The following FNBP1L variants were observed in gnomAD, a reference collection of about 807,000 sequenced individuals.
FNBP1L encodes formin binding protein 1 like.
Under a neutral mutation model 91.2 loss-of-function variants are expected in FNBP1L, and 36 were observed. The ratio of observed to expected loss-of-function variants is 0.39; its 90% confidence interval spans 0.30 to 0.52. FNBP1L has a LOEUF of 0.52. Among genes scored for constraint, FNBP1L ranks in the 20% least tolerant of loss-of-function variants. FNBP1L has a pLI of 0.66. For synonymous variants in FNBP1L, 242 were observed against 237.0 expected, an observed-to-expected ratio of 1.02 and a Z score of -0.19; for missense variants, 571 against 732.1, an observed-to-expected ratio of 0.78 and a Z score of 2.54.
chr1:93,544,173 A>G lies in FNBP1L; in HGVS notation c.1231A>G (p.Ile411Val), dbSNP rs559479254. The G allele has an allele frequency of 4.7e-5, 75 of 1,612,374 alleles. 1 individual carries two copies. In the South Asian group the frequency reaches 8.0e-4, roughly 17 times the overall value. Reference sequence around the variant, plus strand: ...GAGACGTAAAAAACTACAGCAGCGCATTGATGAACTTAACAGAGAACTACA... The same window carrying G: ...GAGACGTAAAAAACTACAGCAGCGCGTTGATGAACTTAACAGAGAACTACA... Reference protein sequence around the residue: ...EQRRKKLQQRIDELNRELQKE... With the variant: ...EQRRKKLQQRVDELNRELQKE... Residue 411 changes from isoleucine to valine, a missense_variant, in exon 12 of 17, where the codon ATT becomes GTT. Ile to Val is a conservative substitution (Grantham distance 29). Around this residue, in one of 5 missense-constraint regions of FNBP1L, gnomAD observed 150 missense variants for 155.9 expected, o/e 0.96. Transcript: ENST00000271234.
chr1:93,507,192 A>G (rs1670668774), intron 2 of FNBP1L, among the ~76,000 whole-genome samples: 1 of 120,176 alleles, frequency 8.3e-6, no homozygotes, highest in South Asian at 3.0e-4. Context: ...CAAACAATGT[A>G]TCAGCATATC....
intron 1 of FNBP1L, among the ~76,000 whole-genome samples, chr1:93,463,577 A>C (rs1277527466): frequency 6.6e-6 from 1 of 152,068 alleles, no homozygotes; most frequent in African/African-American, 2.4e-5. Context: ...CTATCTTTCT[A>C]GCCTCCTTCC....
chr1:93,478,740 G>C (rs1195256630), intron 1 of FNBP1L, among the ~76,000 whole-genome samples: 2 of 152,172 alleles, frequency 1.3e-5, no homozygotes, highest in Non-Finnish European at 2.9e-5. Flanking sequence ...TTTTTTGACT[G>C]TTGGAGAAGG....
chr1:93,547,548 CT>C, intron 14 of FNBP1L, 107 bp downstream of exon 14: 1 of 871,652 alleles, frequency 1.1e-6, no homozygotes. Context: ...ACAAGTTAAG[CT>C]TTTAGTAACC....
At chr1:93,459,940 G>GGTGTGTGTGTGTGTGT (rs1557773915) in intron 1 of FNBP1L, among the ~76,000 whole-genome samples, 2 of 54,900 alleles carry the variant, frequency 3.6e-5, no homozygotes, top group South Asian at 1.7e-3. Flanking sequence ...TTGGATTTCA[G>GGTGTGTGTGTGTGTGT]ATGTGTGTGT....
intron 1 of FNBP1L, among the ~76,000 whole-genome samples, chr1:93,461,560 A>G (rs959534375): frequency 6.6e-6 from 1 of 152,024 alleles, no homozygotes. Flanking sequence ...CAAAAAAAAA[A>G]GCAGGGAACA....
intron 1 of FNBP1L, among the ~76,000 whole-genome samples, chr1:93,469,018 A>C (rs1669190112): frequency 6.6e-6 from 1 of 152,090 alleles, no homozygotes. Flanking sequence ...AATATTGAGC[A>C]TCTTTTCTTG....
chr1:93,456,154 T>A (rs908127184), intron 1 of FNBP1L, among the ~76,000 whole-genome samples: 1 of 152,120 alleles, frequency 6.6e-6, no homozygotes, highest in Non-Finnish European at 1.5e-5. Flanking sequence ...GCATTTAGAA[T>A]CTGTATGGAG....
intron 1 of FNBP1L, among the ~76,000 whole-genome samples, chr1:93,492,779 C>T (rs983792008): frequency 6.6e-6 from 1 of 151,848 alleles, no homozygotes; most frequent in African/African-American, 2.4e-5. Flanking sequence ...AGCCAGATCC[C>T]ATCTCTTAAA....
chr1:93,478,874 G>C (rs1000002822), intron 1 of FNBP1L, among the ~76,000 whole-genome samples: 2 of 152,186 alleles, frequency 1.3e-5, no homozygotes, highest in African/African-American at 4.8e-5. Flanking sequence ...GTTTAATTCG[G>C]ACTCAGGTCT....
At position 93,533,060 on chromosome 1, in the gene FNBP1L, G is replaced by A. The variant is rs200518030; in HGVS notation, c.778G>A (p.Glu260Lys). 194 of 1,603,912 alleles carry A rather than the reference G, an allele frequency of 1.2e-4. No homozygotes were observed. Among genetic ancestry groups the A allele is most frequent in the Non-Finnish European group, 1.5e-4 (178 of 1,175,230 alleles). The change falls in exon 8 of 17, where the codon GAA becomes AAA. Residue 260 changes from glutamate to lysine, a missense_variant. Transcript: ENST00000271234. ...GMILAAKSVD[E>K]RRDSQMVVDS... is the part of the protein sequence containing the mutation. ...GATTCTTGCAGCAAAATCAGTTGATGAAAGAAGAGTAAGTGCTAAATAATT... is the reference window on the plus strand; with the variant it reads ...GATTCTTGCAGCAAAATCAGTTGATAAAAGAAGAGTAAGTGCTAAATAATT...
chr1:93,535,422 G>GA (rs994919116), intron 9 of FNBP1L, among the ~76,000 whole-genome samples: 1 of 152,076 alleles, frequency 6.6e-6, no homozygotes, highest in Non-Finnish European at 1.5e-5. Context: ...CTTCTTGTTA[G>GA]AACCCACCTT....
intron 1 of FNBP1L, among the ~76,000 whole-genome samples, chr1:93,470,638 C>T (rs577925164): frequency 1.3e-5 from 2 of 151,798 alleles, no homozygotes; most frequent in African/African-American, 2.4e-5. Flanking sequence ...TTTGGGAGGC[C>T]GAGGCGGGCG....
chr1:93,507,107 ACTCTCTCTCTCTCTCTCT>A (rs545137195), intron 2 of FNBP1L, among the ~76,000 whole-genome samples: 14 of 45,546 alleles, frequency 3.1e-4, no homozygotes, highest in South Asian at 1.8e-3. Flanking sequence ...ACACACACAC[ACTCTCTCTCTCTCTCTCT>A]CTCTCTCTCT....
At chr1:93,532,819 A>C in intron 7 of FNBP1L, 103 bp from the exon 8 acceptor site, 1 of 793,010 alleles carries the variant, frequency 1.3e-6, no homozygotes, top group South Asian at 2.5e-5. Context: ...TGTAACTATG[A>C]GGGTAGAAAT....
intron 1 of FNBP1L, among the ~76,000 whole-genome samples, chr1:93,454,933 A>AT (rs1209093565): frequency 6.6e-6 from 1 of 150,722 alleles, no homozygotes. Flanking sequence ...TTATTTATTT[A>AT]TTTATTTATT....
Position 93,456,412 on chromosome 1 carries a change from T to C in FNBP1L, c.24+8107T>C, listed in dbSNP as rs539778935. On this transcript the variant is annotated intron_variant, in intron 1 of 16. Coordinates refer to ENST00000271234, the MANE Select transcript of FNBP1L (RefSeq NM_001164473.3). ...TTCTATTTTTGGTACATCATAATTT[T>C]GTTGTTTTTAGGGAGTAAAGGATAT... Among the ~76,000 whole-genome samples, 7 of 152,196 alleles carry C rather than the reference T, an allele frequency of 4.6e-5. No individual in the cohort carries two copies. The East Asian group carries it at 1.4e-3, about 29-fold the overall frequency.
intron 3 of FNBP1L, among the ~76,000 whole-genome samples, chr1:93,522,748 G>A (rs1035051248): frequency 2.6e-5 from 4 of 152,182 alleles, no homozygotes; most frequent in South Asian, 2.1e-4. Flanking sequence ...AGAGTGTTCC[G>A]CAGTATGTTC....
chr1:93,504,674 A>G (rs1330680709), intron 2 of FNBP1L, among the ~76,000 whole-genome samples: 2 of 152,194 alleles, frequency 1.3e-5, no homozygotes, highest in Non-Finnish European at 1.5e-5. Context: ...TAGCCACCCT[A>G]ATCGGTGTGA....
Sources: gnomAD v4.1 joint callset for allele counts (sites outside exome capture counted in the v4.1 genomes callset) on GRCh38, gnomAD v4.1.1 for gene constraint, gnomAD v4.1.1 regional missense constraint, MANE v1.5 for transcripts, NCBI Gene and HGNC (gene_info 2026-07-23, HGNC 2026-07-21) for gene names.